The following GET1 variants were observed in gnomAD, a reference collection of about 807,000 sequenced individuals.
The protein encoded by GET1 is congenital heart disease 5 protein.
In GET1, 20 loss-of-function variants were observed where a neutral mutation model predicts 22.6. The ratio of observed to expected loss-of-function variants is 0.89; its 90% CI spans 0.62 to 1.29. GET1 has a LOEUF of 1.29. Among genes scored for constraint, GET1 ranks in the 50% most tolerant of loss-of-function variants. GET1 has a pLI of 0.00. For missense variants in GET1, 209 were observed against 219.9 expected (o/e 0.95, Z 0.31); for synonymous variants, 92 against 83.8 (o/e 1.10, Z -0.53).
chr21:39,393,369 C>T lies in GET1; in HGVS notation c.451+89C>T, dbSNP rs2038432363. The T allele has an allele frequency of 3.9e-6, 4 of 1,025,710 alleles. No individual in the cohort carries two copies. The African/African-American group carries it at 6.4e-5, about 16-fold the overall frequency. The allele number at this position is 1,025,710 out of a possible 1,614,324, so 63.5% of individuals were successfully genotyped here. ...GAAGATTAAGTTAGCCTGACATCCTCCTCACCGTCCATTTAGTGAGCGGGG... is the reference window on the plus strand; with the variant it reads ...GAAGATTAAGTTAGCCTGACATCCTTCTCACCGTCCATTTAGTGAGCGGGG... On this transcript the variant is annotated intron_variant, in intron 4 of 4. Transcript: ENST00000649170.
intron 1 of GET1, among the ~76,000 whole-genome samples, chr21:39,414,713 CCTCTCTCTCTCT>C (rs147915021): frequency 8.3e-6 from 1 of 119,882 alleles, no homozygotes; most frequent in African/African-American, 3.3e-5. Flanking sequence ...TGGTTCTCTC[CCTCTCTCTCTCT>C]CTCTCTCTCT....
intron 1 of GET1, chr21:39,420,871 C>T: frequency 6.4e-7 from 1 of 1,563,396 alleles, no homozygotes; most frequent in Non-Finnish European, 8.7e-7. Flanking sequence ...TATAACTATT[C>T]TGCAACCAAG....
chr21:39,398,786 G>A (rs1398751508), downstream of GET1, among the ~76,000 whole-genome samples: 1 of 151,626 alleles, frequency 6.6e-6, no homozygotes, highest in Non-Finnish European at 1.5e-5. Context: ...GCTAATTTTT[G>A]TATTTTTAGT....
intron 1 of GET1, chr21:39,420,767 G>C: frequency 6.2e-7 from 1 of 1,613,570 alleles, no homozygotes; most frequent in South Asian, 1.1e-5. Flanking sequence ...TGTCTGAGCT[G>C]CTAAAGTCTT....
At chr21:39,428,322 A>C in exon 2 of GET1, 1 of 1,613,716 alleles carries the variant, frequency 6.2e-7, no homozygotes. Context: ...AAACTTCCAC[A>C]GGAGCACTGA....
intron 1 of GET1, chr21:39,421,736 G>T (rs2073802443): frequency 6.6e-6 from 1 of 152,112 alleles, no homozygotes; most frequent in Admixed American, 6.5e-5. Flanking sequence ...AAAGCTACAA[G>T]GGGAAAGAAT....
At chr21:39,411,725 A>G in intron 1 of GET1, 1 of 1,479,340 alleles carries the variant, frequency 6.8e-7, no homozygotes. Context: ...TACCTTTTGG[A>G]TAGTCCTCTG....
intron 1 of GET1, chr21:39,420,627 A>T: frequency 1.6e-6 from 2 of 1,280,248 alleles, no homozygotes; most frequent in Non-Finnish European, 2.2e-6. Context: ...AAAATCACTT[A>T]AAGATATAAT....
intron 3 of GET1, chr21:39,392,154 T>G (rs1287379091): frequency 1.1e-5 from 3 of 272,862 alleles, no homozygotes; most frequent in Non-Finnish European, 2.1e-5. Context: ...GGCTTATAGA[T>G]GACATCAGTT....
chr21:39,387,201 C>G (rs1413017235), intron 1 of GET1, among the ~76,000 whole-genome samples: 1 of 152,108 alleles, frequency 6.6e-6, no homozygotes, highest in Admixed American at 6.6e-5. Context: ...ATTATTTTTT[C>G]AAGCACCAGT....
At chr21:39,393,014 C>T in intron 3 of GET1, 152 bp from the exon 4 acceptor site, 1 of 605,088 alleles carries the variant, frequency 1.7e-6, no homozygotes, top group Non-Finnish European at 2.9e-6. Context: ...TGTGCGTGCT[C>T]ATCTGTTGTC....
At chr21:39,426,023 G>A (rs1210459611) in intron 1 of GET1, 1 of 152,236 alleles carries the variant, frequency 6.6e-6, no homozygotes, top group Non-Finnish European at 1.5e-5. Context: ...ATATGGCTTG[G>A]ACAAGGAACA....
intron 1 of GET1, among the ~76,000 whole-genome samples, chr21:39,419,361 C>A (rs1173925085): frequency 6.6e-6 from 1 of 151,618 alleles, no homozygotes; most frequent in Non-Finnish European, 1.5e-5. Context: ...CCCGTCTCTA[C>A]AAAAATTTTA....
chr21:39,404,980 T>C (rs1054480811), intron 4 of GET1, among the ~76,000 whole-genome samples: 12 of 151,704 alleles, frequency 7.9e-5, no homozygotes, highest in East Asian at 2.0e-4. Context: ...TACAGGCATG[T>C]GCCACCACAC....
intron 4 of GET1, among the ~76,000 whole-genome samples, chr21:39,403,341 G>GTTTTTTT (rs2038885735): frequency 6.6e-6 from 1 of 152,118 alleles, no homozygotes; most frequent in African/African-American, 2.4e-5. Flanking sequence ...TAATTAATTA[G>GTTTTTTT]TTTGACACGG....
intron 1 of GET1, chr21:39,423,345 AT>A (rs747213855): frequency 2.5e-6 from 4 of 1,612,938 alleles, no homozygotes; most frequent in African/African-American, 1.3e-5. Context: ...CAGCTAATTC[AT>A]TTTTTAGTCC....
exon 5 of GET1, chr21:39,406,323 G>A: frequency 6.2e-7 from 1 of 1,614,210 alleles, no homozygotes; most frequent in Non-Finnish European, 8.5e-7. Context: ...CTGTGAATGA[G>A]TAATGTCTTC....
At chr21:39,380,599 CTTGG>C (rs1226105529) in intron 1 of GET1, 113 bp downstream of exon 1, 1 of 1,498,448 alleles carries the variant, frequency 6.7e-7, no homozygotes, top group East Asian at 2.5e-5. Flanking sequence ...GTAGTAGCGT[CTTGG>C]TTGGTCCGTA....
chr21:39,428,454 G>T, exon 2 of GET1: 1 of 1,610,492 alleles, frequency 6.2e-7, no homozygotes, highest in Non-Finnish European at 8.5e-7. Flanking sequence ...CCGAAGAAAT[G>T]CTCATCTATA....
Sources: allele counts gnomAD v4.1 joint callset (sites outside exome capture counted in the v4.1 genomes callset), GRCh38; gene constraint gnomAD v4.1.1; transcripts MANE v1.5; gene names NCBI Gene and HGNC (gene_info 2026-07-23, HGNC 2026-07-21).